The following GNA14 variants were observed in gnomAD, a reference collection of about 807,000 sequenced individuals.
The protein encoded by GNA14 is guanine nucleotide-binding protein subunit alpha-14.
In GNA14, 50 loss-of-function variants were observed where a neutral mutation model predicts 42.0. That is an observed-to-expected ratio of 1.19 (90% CI 0.95 to 1.51). The LOEUF is 1.51. GNA14 is among the 40% of genes most tolerant of loss of function. The probability of loss-of-function intolerance (pLI) is 0.00; values close to 1 mark genes in which losing one functional copy is unlikely to be tolerated. For synonymous variants in GNA14, 173 were observed against 163.1 expected, an observed-to-expected ratio of 1.06 and a Z score of -0.46; for missense variants, 473 against 446.2, an observed-to-expected ratio of 1.06 and a Z score of -0.54.
At chr9:77,464,077 T>C (rs1330523282) in intron 2 of GNA14, among the ~76,000 whole-genome samples, 2 of 152,232 alleles carry the variant, frequency 1.3e-5, no homozygotes, top group Admixed American at 6.5e-5. Flanking sequence ...CTCAGGTCAC[T>C]GCAACCTCAG....
chr9:77,535,504 G>A (rs149120703), intron 1 of GNA14, among the ~76,000 whole-genome samples: 2 of 152,130 alleles, frequency 1.3e-5, no homozygotes, highest in Admixed American at 6.5e-5. Context: ...AGCCGAGATC[G>A]CGCCATTGCA....
At chr9:77,437,300 T>C (rs1201181253) in intron 2 of GNA14, among the ~76,000 whole-genome samples, 1 of 152,178 alleles carries the variant, frequency 6.6e-6, no homozygotes, top group Non-Finnish European at 1.5e-5. Flanking sequence ...ATCCCAGCAC[T>C]TTGGGAGGCC....
chr9:77,536,809 A>G (rs1301068417), intron 1 of GNA14, among the ~76,000 whole-genome samples: 2 of 152,210 alleles, frequency 1.3e-5, no homozygotes, highest in African/African-American at 4.8e-5. Flanking sequence ...TACCTCTTAT[A>G]TCAGACAAAG....
At chr9:77,559,859 C>T (rs566921845) in intron 1 of GNA14, among the ~76,000 whole-genome samples, 17 of 152,312 alleles carry the variant, frequency 1.1e-4, no homozygotes, top group African/African-American at 3.8e-4. Context: ...TCAAGCTCAG[C>T]TTATAAACTG....
At chr9:77,506,609 G>A (rs529056199) in intron 2 of GNA14, among the ~76,000 whole-genome samples, 194 of 152,078 alleles carry the variant, frequency 1.3e-3, no homozygotes, top group African/African-American at 4.6e-3. Flanking sequence ...CCCAGGAGGC[G>A]GAGGTTGCAG....
chr9:77,468,307 G>A (rs1371489539), intron 2 of GNA14, among the ~76,000 whole-genome samples: 1 of 152,136 alleles, frequency 6.6e-6, no homozygotes, highest in Non-Finnish European at 1.5e-5. Context: ...ATTTCTAGAG[G>A]CTTCGAATAG....
At chr9:77,452,549 AGTGT>A (rs200313599) in intron 2 of GNA14, among the ~76,000 whole-genome samples, 68 of 55,204 alleles carry the variant, frequency 1.2e-3, no homozygotes, top group Admixed American at 1.0e-3. Context: ...ACTGCACACA[AGTGT>A]GTGTGTGTGT....
intron 2 of GNA14, among the ~76,000 whole-genome samples, chr9:77,443,586 C>T (rs1055904912): frequency 6.6e-5 from 10 of 152,208 alleles, no homozygotes; most frequent in Non-Finnish European, 1.2e-4. Context: ...TCTTTCCCTT[C>T]CTCTTTTCTC....
intron 2 of GNA14, among the ~76,000 whole-genome samples, chr9:77,491,050 A>T (rs1311964359): frequency 2.0e-5 from 3 of 152,266 alleles, no homozygotes; most frequent in East Asian, 3.8e-4. Flanking sequence ...CATACAGTCC[A>T]GGAGGAAGTC....
chr9:77,464,689 C>T (rs28587404), intron 2 of GNA14, among the ~76,000 whole-genome samples: 39,100 of 151,892 alleles, frequency 0.26, 5,787 homozygotes, highest in East Asian at 0.46. Flanking sequence ...TCCAGAAAAC[C>T]GCCGTACCTA....
intron 1 of GNA14, among the ~76,000 whole-genome samples, chr9:77,632,177 A>C (rs1326058979): frequency 6.6e-6 from 1 of 152,178 alleles, no homozygotes; most frequent in Admixed American, 6.5e-5. Flanking sequence ...CACCCACTCC[A>C]ATCTCAGAGC....
At chr9:77,475,442 T>C (rs184766832) in intron 2 of GNA14, among the ~76,000 whole-genome samples, 1 of 152,326 alleles carries the variant, frequency 6.6e-6, no homozygotes, top group East Asian at 1.9e-4. Flanking sequence ...TGAGTAGTTA[T>C]TGTACATTAC....
chr9:77,569,167 A>G (rs1490180862), intron 1 of GNA14, among the ~76,000 whole-genome samples: 1 of 151,666 alleles, frequency 6.6e-6, no homozygotes, highest in South Asian at 2.1e-4. Context: ...TTTTTTTTTA[A>G]ATGGGGTTGG....
intron 2 of GNA14, among the ~76,000 whole-genome samples, chr9:77,516,576 A>C (rs958071731): frequency 2.6e-5 from 4 of 152,142 alleles, no homozygotes; most frequent in Admixed American, 2.6e-4. Context: ...AAATACAAAA[A>C]TTAGATGGGT....
intron 1 of GNA14, among the ~76,000 whole-genome samples, chr9:77,623,917 G>C (rs1204340895): frequency 6.6e-6 from 1 of 152,184 alleles, no homozygotes; most frequent in East Asian, 1.9e-4. Flanking sequence ...CAGCGGCACA[G>C]AACCGTTCAC....
intron 1 of GNA14, among the ~76,000 whole-genome samples, chr9:77,592,522 CG>C (rs1823406361): frequency 6.6e-6 from 1 of 152,222 alleles, no homozygotes; most frequent in East Asian, 1.9e-4. Context: ...TTAAATTTGC[CG>C]GGGTAGTGGC....
At chr9:77,562,932 T>C (rs1822906711) in intron 1 of GNA14, among the ~76,000 whole-genome samples, 1 of 152,120 alleles carries the variant, frequency 6.6e-6, no homozygotes, top group Admixed American at 6.6e-5. Flanking sequence ...CTATAGGTCT[T>C]CATTAGTTTA....
At chr9:77,425,339 G>A (rs1381534408) in intron 6 of GNA14, among the ~76,000 whole-genome samples, 2 of 152,154 alleles carry the variant, frequency 1.3e-5, no homozygotes, top group African/African-American at 4.8e-5. Context: ...AGCGAAAGGA[G>A]TTGGTAAGGG....
Position 77,423,524 on chromosome 9 carries a change from AT to A in GNA14, c.*454del, listed in dbSNP as rs1401819734. ...GAAACACAATTAAAAATGTCTCTAA[AT>A]TACAAGGTTTAATAAAAAGCTTCAA... On this transcript the variant is annotated 3_prime_UTR_variant, in exon 7 of 7. Transcript: ENST00000341700. 2.0e-5 allele frequency: 3 copies of A among 152,232 alleles called. No individual in the cohort carries two copies. Among genetic ancestry groups the A allele is most frequent in the Non-Finnish European group, 4.4e-5 (3 of 68,074 alleles). 9.4% of individuals were successfully genotyped at this position (152,232 alleles called of 1,614,324 possible).
Sources: allele counts gnomAD v4.1 joint callset (sites outside exome capture counted in the v4.1 genomes callset), GRCh38; gene constraint gnomAD v4.1.1; transcripts MANE v1.5; gene names NCBI Gene and HGNC (gene_info 2026-07-23, HGNC 2026-07-21).